The following UGGT2 variants were observed in gnomAD, a reference collection of about 807,000 sequenced individuals.
The protein encoded by UGGT2 is UDP-glucose glycoprotein glucosyltransferase 2, also known as UDP-glucose:glycoprotein glucosyltransferase 2.
In UGGT2, 180 loss-of-function variants were observed where a neutral mutation model predicts 192.1. That is an observed-to-expected ratio of 0.94 (90% CI 0.83 to 1.06). The LOEUF is 1.06. UGGT2 is among the 50% of genes least tolerant of loss of function. The probability of loss-of-function intolerance (pLI) is 0.00; values close to 1 mark genes in which losing one functional copy is unlikely to be tolerated. For synonymous variants in UGGT2, 580 were observed against 591.0 expected (o/e 0.98, Z 0.27); for missense variants, 1,849 against 1,795.7 (o/e 1.03, Z -0.54).
intron 20 of UGGT2, among the ~76,000 whole-genome samples, chr13:95,907,596 C>T (rs1350272425): frequency 3.3e-5 from 5 of 152,114 alleles, no homozygotes; most frequent in African/African-American, 1.2e-4. Flanking sequence ...GCTGGTGATA[C>T]CCAGGCAAAA....
rs373386425 is a variant in UGGT2, at chr13:95,877,370, A to G, written c.3388-6T>C. Reference sequence around the variant, plus strand: ...GCTTTTAATTGAAAATACCCCTTTTAAGATGAGAAAAAAATAATCATTGAG... The same window carrying G: ...GCTTTTAATTGAAAATACCCCTTTTGAGATGAGAAAAAAATAATCATTGAG... On this transcript the variant is annotated splice_polypyrimidine_tract_variant and splice_region_variant and intron_variant, in intron 28 of 38. Transcript: ENST00000376747. The G allele has an allele frequency of 1.1e-5, 18 of 1,596,686 alleles. No homozygotes were observed. Among genetic ancestry groups the G allele is most frequent in the Non-Finnish European group, 1.4e-5 (16 of 1,173,148 alleles).
chr13:95,874,467 GC>G (rs1264566809), intron 29 of UGGT2, among the ~76,000 whole-genome samples: 1 of 152,146 alleles, frequency 6.6e-6, no homozygotes, highest in Non-Finnish European at 1.5e-5. Context: ...TGACTCATGG[GC>G]AGACACCTGA....
In UGGT2 at chr13:95,936,924, C is replaced by T; in HGVS notation, c.1977G>A (p.Leu659=). ...TATTTTCTTATAAATGCTTACCTAC[C>T]AAAAAAACTTCTCTTTGTAAATATA... ...ASVYLQREVF[L]GTLNDRTNAI... The change falls in exon 17 of 39, where the codon TTG becomes TTA. Residue 659 remains leucine (L), a splice_region_variant and synonymous_variant. Transcript: ENST00000376747. 2.7e-6 allele frequency: 4 copies of T among 1,509,132 alleles called. No individual in the cohort carries two copies. Among genetic ancestry groups the T allele is most frequent in the Non-Finnish European group, 3.5e-6 (4 of 1,133,504 alleles). The allele number at this position is 1,509,132 out of a possible 1,614,324, so 93.5% of individuals were successfully genotyped here.
intron 6 of UGGT2, among the ~76,000 whole-genome samples, chr13:95,997,949 C>T (rs2051678118): frequency 6.6e-6 from 1 of 152,166 alleles, no homozygotes; most frequent in African/African-American, 2.4e-5. Flanking sequence ...TATAGGGAGC[C>T]ACTAAAGGAT....
chr13:95,873,993 T>C (rs1374488877), intron 29 of UGGT2, among the ~76,000 whole-genome samples: 2 of 152,122 alleles, frequency 1.3e-5, no homozygotes, highest in African/African-American at 4.8e-5. Flanking sequence ...AACATTCACA[T>C]CCAGCTGCCT....
At chr13:95,807,290 T>A (rs1884352084) in intron 38 of UGGT2, among the ~76,000 whole-genome samples, 1 of 151,508 alleles carries the variant, frequency 6.6e-6, no homozygotes, top group Non-Finnish European at 1.5e-5. Flanking sequence ...GGAAGAGGAG[T>A]TGTTAGTTTG....
chr13:95,942,999 AGTT>A, intron 15 of UGGT2, among the ~76,000 whole-genome samples: 1 of 152,142 alleles, frequency 6.6e-6, no homozygotes. Context: ...GTTGAACCAC[AGTT>A]GTTGTAAGTC....
At chr13:95,998,440 G>C (rs1256543113) in intron 6 of UGGT2, among the ~76,000 whole-genome samples, 1 of 152,128 alleles carries the variant, frequency 6.6e-6, no homozygotes, top group Non-Finnish European at 1.5e-5. Flanking sequence ...TTTATCTGAA[G>C]CACATTCAGT....
At chr13:95,822,611 G>A (rs1482656280) in intron 38 of UGGT2, among the ~76,000 whole-genome samples, 1 of 151,992 alleles carries the variant, frequency 6.6e-6, no homozygotes, top group East Asian at 1.9e-4. Flanking sequence ...GGTGTTCATA[G>A]TGGTCTCGAA....
At chr13:95,837,263 T>C in intron 36 of UGGT2, 61 bp from the exon 37 acceptor site, 1 of 1,139,686 alleles carries the variant, frequency 8.8e-7, no homozygotes. Flanking sequence ...GGAAAGAAGC[T>C]GAATGAAGTA....
chr13:95,823,404 G>C (rs1369115047), intron 38 of UGGT2, among the ~76,000 whole-genome samples: 1 of 151,976 alleles, frequency 6.6e-6, no homozygotes, highest in Non-Finnish European at 1.5e-5. Flanking sequence ...TATTTTATTT[G>C]TTGGGTCTAG....
At chr13:95,923,585 A>G (rs12875113) in intron 20 of UGGT2, among the ~76,000 whole-genome samples, 3 of 152,056 alleles carry the variant, frequency 2.0e-5, no homozygotes, top group Non-Finnish European at 2.9e-5. Flanking sequence ...CTATTCTCAG[A>G]GGTAATAAAA....
intron 37 of UGGT2, among the ~76,000 whole-genome samples, chr13:95,834,522 C>T (rs1298616869): frequency 6.6e-6 from 1 of 152,194 alleles, no homozygotes; most frequent in Non-Finnish European, 1.5e-5. Flanking sequence ...CATTCATAAA[C>T]ATTTTCATTC....
At chr13:95,931,833 C>T (rs891014261) in intron 17 of UGGT2, among the ~76,000 whole-genome samples, 10 of 152,242 alleles carry the variant, frequency 6.6e-5, no homozygotes, top group East Asian at 1.9e-4. Context: ...CACACCTCCC[C>T]GCAAGCAGAG....
intron 12 of UGGT2, among the ~76,000 whole-genome samples, chr13:95,958,572 A>G (rs1274246429): frequency 1.3e-5 from 2 of 151,380 alleles, no homozygotes; most frequent in South Asian, 2.1e-4. Context: ...AAAATTTCAG[A>G]GAGGATTTTT....
At chr13:95,948,381 T>C (rs530772418) in intron 13 of UGGT2, among the ~76,000 whole-genome samples, 1 of 152,300 alleles carries the variant, frequency 6.6e-6, no homozygotes, top group East Asian at 1.9e-4. Flanking sequence ...TTTGCCTGAA[T>C]TGAAATACCT....
At chr13:95,994,768 T>G (rs186878295) in intron 7 of UGGT2, among the ~76,000 whole-genome samples, 25 of 152,164 alleles carry the variant, frequency 1.6e-4, no homozygotes, top group Admixed American at 1.5e-3. Context: ...TAGCACCATA[T>G]AGTGCAAATG....
intron 5 of UGGT2, among the ~76,000 whole-genome samples, chr13:96,001,614 T>A (rs1264233058): frequency 6.6e-6 from 1 of 152,196 alleles, no homozygotes; most frequent in Non-Finnish European, 1.5e-5. Flanking sequence ...AGGGGCATGT[T>A]AGAACCACTT....
At chr13:95,862,446 T>A (rs925261066) in intron 31 of UGGT2, among the ~76,000 whole-genome samples, 1 of 152,182 alleles carries the variant, frequency 6.6e-6, no homozygotes, top group African/African-American at 2.4e-5. Context: ...TTGTTTTTGC[T>A]CACCTAACAT....
Sources: allele counts gnomAD v4.1 joint callset (sites outside exome capture counted in the v4.1 genomes callset), GRCh38; gene constraint gnomAD v4.1.1; transcripts MANE v1.5; gene names NCBI Gene and HGNC (gene_info 2026-07-23, HGNC 2026-07-21).